The following PTPRN2 variants were observed in gnomAD, a reference collection of about 807,000 sequenced individuals.
PTPRN2 encodes the protein protein tyrosine phosphatase receptor type N2, also known as receptor-type tyrosine-protein phosphatase N2.
Under a neutral mutation model 118.8 loss-of-function variants are expected in PTPRN2, and 74 were observed. The observed-to-expected ratio is 0.62, with a 90% CI of 0.52 to 0.76. The LOEUF (loss-of-function observed/expected upper bound fraction) is 0.76. PTPRN2 is among the 30% of genes least tolerant of loss of function. The pLI is 0.00. For synonymous variants in PTPRN2, 641 were observed against 608.0 expected, an observed-to-expected ratio of 1.05 and a Z score of -0.80; for missense variants, 1,481 against 1,394.4, an observed-to-expected ratio of 1.06 and a Z score of -0.99.
chr7:158,303,387 T>C (rs1237152773), intron 3 of PTPRN2, among the ~76,000 whole-genome samples: 2 of 152,212 alleles, frequency 1.3e-5, no homozygotes, highest in Non-Finnish European at 2.9e-5. Context: ...GTAACTTCCC[T>C]ACAGCAAAAG....
At position 157,748,725 on chromosome 7, in the gene PTPRN2, G is replaced by A. The variant is rs1585371366; in HGVS notation, c.1789-65788C>T. ...CTGTTGAGGTGATTCTGAGGCCTGC[G>A]TCCCTGAGCTGTGGGCTGTCCGGGT... On this transcript the variant is annotated intron_variant, in intron 12 of 22. Coordinates refer to ENST00000389418, the MANE Select transcript of PTPRN2 (RefSeq NM_002847.5). 2.2e-5 allele frequency among the ~76,000 whole-genome samples: 3 copies of A among 138,236 alleles called. No homozygotes were observed. The South Asian group carries it at 7.5e-4, about 34-fold the overall frequency. 90.7% of individuals were successfully genotyped at this position (138,236 alleles called of 152,430 possible). A position where few individuals can be genotyped will look rare whatever the true frequency, so the allele number is the denominator to read the frequency against.
chr7:158,574,384 C>T lies in PTPRN2; in HGVS notation c.112+13174G>A, dbSNP rs146873896. Among the ~76,000 whole-genome samples the T allele has an allele frequency of 1.4e-3, 216 of 152,296 alleles. 2 individuals are homozygous for T. Among genetic ancestry groups the T allele is most frequent in the African/African-American group, 5.0e-3 (209 of 41,572 alleles). ...TTTGTTTTGAATTTTTTATTATAAACATACAATGAGTTCAGTAGAGCACAT... is the reference window on the plus strand; with the variant it reads ...TTTGTTTTGAATTTTTTATTATAAATATACAATGAGTTCAGTAGAGCACAT... On this transcript the variant is annotated intron_variant, in intron 1 of 22. Transcript: ENST00000389418. This position sits in a 1 kb window ranked among gnomAD's most constrained non-coding sequence, Gnocchi z 4.6.
At position 158,565,731 on chromosome 7, in the gene PTPRN2, C is replaced by T. The variant is rs1291675208; in HGVS notation, c.112+21827G>A. On this transcript the variant is annotated intron_variant, in intron 1 of 22. Transcript: ENST00000389418. This position sits in a 1 kb window ranked among gnomAD's most constrained non-coding sequence, Gnocchi z 4.6. ...GACATAGAAACCATCTCATGCAAGC[C>T]CCCCAGGAACCCTGGAGGCAGGCAC... Among the ~76,000 whole-genome samples the T allele has an allele frequency of 1.8e-4, 27 of 152,142 alleles. No homozygotes were observed. Among genetic ancestry groups the T allele is most frequent in the Admixed American group, 1.8e-3 (27 of 15,278 alleles).
At chr7:158,401,268 C>T (rs1318383010) in intron 2 of PTPRN2, among the ~76,000 whole-genome samples, 2 of 152,228 alleles carry the variant, frequency 1.3e-5, no homozygotes, top group South Asian at 2.1e-4. Context: ...TCCATCCCCT[C>T]GTTTGTTATT....
chr7:158,503,980 T>C (rs964013415), intron 1 of PTPRN2, among the ~76,000 whole-genome samples: 3 of 145,728 alleles, frequency 2.1e-5, no homozygotes, highest in Admixed American at 7.1e-5. Flanking sequence ...AGAGTGAGAC[T>C]GTCTCAAAAA....
chr7:158,179,952 T>C (rs1378517606), intron 5 of PTPRN2, among the ~76,000 whole-genome samples: 2 of 152,260 alleles, frequency 1.3e-5, no homozygotes, highest in African/African-American at 2.4e-5. Context: ...TAAATATGAC[T>C]GCAAAGCTTC....
At chr7:158,523,241 G>A (rs1310068859) in intron 1 of PTPRN2, among the ~76,000 whole-genome samples, 1 of 152,190 alleles carries the variant, frequency 6.6e-6, no homozygotes, top group African/African-American at 2.4e-5. Context: ...GGGGGTGGTG[G>A]GTGAGCCTCA....
chr7:157,799,764 GC>G (rs1390998560), intron 12 of PTPRN2, among the ~76,000 whole-genome samples: 2 of 148,374 alleles, frequency 1.3e-5, no homozygotes, highest in Non-Finnish European at 3.0e-5. Context: ...TCCCGAGCCG[GC>G]CCCCTCCATC....
intron 6 of PTPRN2, among the ~76,000 whole-genome samples, chr7:158,145,604 T>A (rs1330643565): frequency 2.0e-5 from 3 of 152,218 alleles, no homozygotes; most frequent in Non-Finnish European, 2.9e-5. Context: ...CAGAGCACCC[T>A]GGCCAGACGC....
chr7:157,993,872 C>T (rs866127053), intron 11 of PTPRN2, among the ~76,000 whole-genome samples: 13 of 152,192 alleles, frequency 8.5e-5, no homozygotes, highest in Admixed American at 2.6e-4. Context: ...CCAATGGCCT[C>T]GGAAGACAAA....
At chr7:158,531,759 C>T (rs998965620) in intron 1 of PTPRN2, among the ~76,000 whole-genome samples, 7 of 152,178 alleles carry the variant, frequency 4.6e-5, no homozygotes, top group Admixed American at 1.3e-4. Context: ...ACACCAGGCT[C>T]GACGCCCTCA....
In PTPRN2 at chr7:157,929,291, C is replaced by G. The variant is rs148314298; in HGVS notation, c.1724-30554G>C. ...AGCCTGCCATCCGCTCTCTGCTCCTCTGACTACCTTCAGCAACCCTGCCTT... is the reference window on the plus strand; with the variant it reads ...AGCCTGCCATCCGCTCTCTGCTCCTGTGACTACCTTCAGCAACCCTGCCTT... On this transcript the variant is annotated intron_variant, in intron 11 of 22. Coordinates refer to ENST00000389418, the MANE Select transcript of PTPRN2 (RefSeq NM_002847.5). This position sits in a 1 kb window ranked among gnomAD's most constrained non-coding sequence, Gnocchi z 4.4. Among the ~76,000 whole-genome samples the G allele has an allele frequency of 6.8e-4, 103 of 152,306 alleles. No homozygotes were observed. Among genetic ancestry groups the G allele is most frequent in the Middle Eastern group, 6.8e-3 (2 of 294 alleles).
At chr7:157,669,053 G>A (rs980323369) in intron 13 of PTPRN2, among the ~76,000 whole-genome samples, 1 of 152,230 alleles carries the variant, frequency 6.6e-6, no homozygotes, top group African/African-American at 2.4e-5. Flanking sequence ...TTTCGTTGAG[G>A]AGAGCGACTT....
chr7:157,940,878 G>GC (rs1241852092), intron 11 of PTPRN2, among the ~76,000 whole-genome samples: 49 of 4,206 alleles, frequency 0.012, 5 homozygotes, highest in Non-Finnish European at 9.5e-3. Flanking sequence ...CAAATCTAAC[G>GC]CCCCCCCATG....
chr7:158,151,023 G>C (rs1046294850), intron 6 of PTPRN2, among the ~76,000 whole-genome samples: 3 of 146,192 alleles, frequency 2.1e-5, no homozygotes, highest in African/African-American at 7.8e-5. Flanking sequence ...CGGGAAGCCA[G>C]GCCCTGTCAC....
chr7:157,824,915 G>T (rs1024943208), intron 12 of PTPRN2, among the ~76,000 whole-genome samples: 1 of 152,178 alleles, frequency 6.6e-6, no homozygotes, highest in East Asian at 1.9e-4. Context: ...GGCGGATCAC[G>T]AGCGGCACCC....
In PTPRN2 at chr7:157,621,033, G is replaced by A. The variant is rs879017689; in HGVS notation, c.2344+329C>T. On this transcript the variant is annotated intron_variant, in intron 15 of 22. Transcript: ENST00000389418. Reference sequence around the variant, plus strand: ...GGCCTCCTGCCCCCGGGACTGGTATGTACAGGTCAGCATGGCCAGTTTCCC... The same window carrying A: ...GGCCTCCTGCCCCCGGGACTGGTATATACAGGTCAGCATGGCCAGTTTCCC... Among the ~76,000 whole-genome samples the A allele has an allele frequency of 6.6e-3, 687 of 103,844 alleles. 14 individuals are homozygous for A. The highest frequency in any genetic ancestry group is 0.026 in the African/African-American group (652 of 25,560). 68.1% of individuals were successfully genotyped at this position (103,844 alleles called of 152,430 possible).
chr7:158,149,767 G>T (rs1376077957), intron 6 of PTPRN2, among the ~76,000 whole-genome samples: 1 of 149,420 alleles, frequency 6.7e-6, no homozygotes, highest in South Asian at 2.1e-4. Context: ...TTGTGCCATT[G>T]CACTCCAGCC....
At chr7:158,361,854 C>T (rs1809008888) in intron 2 of PTPRN2, among the ~76,000 whole-genome samples, 1 of 152,194 alleles carries the variant, frequency 6.6e-6, no homozygotes, top group Non-Finnish European at 1.5e-5. Context: ...TGGCACTGCC[C>T]AGTCCTCACT....
Sources: gnomAD v4.1 joint callset for allele counts (sites outside exome capture counted in the v4.1 genomes callset) on GRCh38, gnomAD v4.1.1 for gene constraint, Gnocchi (gnomAD v3.1) non-coding constraint, MANE v1.5 for transcripts, NCBI Gene and HGNC (gene_info 2026-07-23, HGNC 2026-07-21) for gene names.